The following MACROD2 variants were observed in gnomAD, a reference collection of about 807,000 sequenced individuals.
MACROD2 encodes the protein mono-ADP ribosylhydrolase 2.
A neutral mutation model predicts 70.4 loss-of-function variants in MACROD2; 36 were observed. The ratio of observed to expected loss-of-function variants is 0.51; its 90% CI spans 0.39 to 0.68. MACROD2 has a LOEUF of 0.68. MACROD2 is among the 30% of genes least tolerant of loss of function. The pLI is 0.00. For synonymous variants in MACROD2, 172 were observed against 178.8 expected (o/e 0.96, Z 0.30); for missense variants, 496 against 538.4 (o/e 0.92, Z 0.78).
At chr20:15,938,889 GCCT>G (rs2065707854) in intron 12 of MACROD2, among the ~76,000 whole-genome samples, 3 of 152,172 alleles carry the variant, frequency 2.0e-5, no homozygotes, top group African/African-American at 7.2e-5. Flanking sequence ...AACTGAAACA[GCCT>G]TATTGCTGAT....
At chr20:14,869,916 CA>C (rs1329490953) in intron 5 of MACROD2, among the ~76,000 whole-genome samples, 1 of 152,070 alleles carries the variant, frequency 6.6e-6, no homozygotes, top group African/African-American at 2.4e-5. Flanking sequence ...ACCATACAAC[CA>C]TTCAGGAACC....
intron 6 of MACROD2, among the ~76,000 whole-genome samples, chr20:15,263,643 T>C (rs909055660): frequency 6.6e-6 from 1 of 152,194 alleles, no homozygotes; most frequent in African/African-American, 2.4e-5. Context: ...TTAACAATAT[T>C]GATTCTTCCA....
At chr20:15,868,984 G>A (rs1432756438) in intron 9 of MACROD2, among the ~76,000 whole-genome samples, 1 of 151,354 alleles carries the variant, frequency 6.6e-6, no homozygotes, top group Non-Finnish European at 1.5e-5. Flanking sequence ...TAGAAACATG[G>A]TCTCACCATG....
At chr20:15,591,586 TAAAAAAAAAAAAAAA>T (rs11471295) in intron 8 of MACROD2, among the ~76,000 whole-genome samples, 8 of 65,138 alleles carry the variant, frequency 1.2e-4, no homozygotes, top group Non-Finnish European at 2.0e-4. Context: ...AAGCCAGTAC[TAAAAAAAAAAAAAAA>T]AAAAAAAAAA....
chr20:14,875,453 C>T (rs1568848806), intron 5 of MACROD2, among the ~76,000 whole-genome samples: 1 of 152,050 alleles, frequency 6.6e-6, no homozygotes, highest in African/African-American at 2.4e-5. Context: ...CTCAAAGTTC[C>T]TCTTACTGGA....
chr20:14,466,360 T>C (rs1401928634), intron 3 of MACROD2, among the ~76,000 whole-genome samples: 2 of 152,122 alleles, frequency 1.3e-5, no homozygotes, highest in Non-Finnish European at 2.9e-5. Flanking sequence ...TCACGTAGTT[T>C]TTGTGCCTTG....
At chr20:15,726,072 C>A (rs34624389) in intron 8 of MACROD2, among the ~76,000 whole-genome samples, 13,391 of 152,004 alleles carry the variant, frequency 0.088, 637 homozygotes, top group East Asian at 0.15. Flanking sequence ...TTGAATCGCT[C>A]TCTTCTCTCA....
chr20:15,649,687 C>G (rs996398541), intron 8 of MACROD2, among the ~76,000 whole-genome samples: 2 of 152,138 alleles, frequency 1.3e-5, no homozygotes, highest in Admixed American at 6.5e-5. Flanking sequence ...AAAGATAGTA[C>G]CACTCTGATT....
chr20:15,618,345 G>A (rs534876890), intron 8 of MACROD2, among the ~76,000 whole-genome samples: 67 of 152,084 alleles, frequency 4.4e-4, no homozygotes, highest in African/African-American at 1.5e-3. Context: ...CTCACACCAG[G>A]CCTCCAGCCA....
intron 12 of MACROD2, among the ~76,000 whole-genome samples, chr20:15,966,668 G>A (rs375380278): frequency 4.6e-5 from 7 of 152,198 alleles, no homozygotes; most frequent in African/African-American, 1.2e-4. Flanking sequence ...CTTGAGCCCA[G>A]GAGTTTGAGG....
At chr20:14,227,862 A>C (rs1284312457) in intron 3 of MACROD2, among the ~76,000 whole-genome samples, 1 of 152,222 alleles carries the variant, frequency 6.6e-6, no homozygotes. Context: ...TCCAGGATTT[A>C]ATCTAGTTGT....
In MACROD2 at chr20:15,729,931, T is replaced by A. The variant is rs2050922598; in HGVS notation, c.646-132814T>A. 2.7e-5 allele frequency among the ~76,000 whole-genome samples: 4 copies of A among 146,160 alleles called. No individual in the cohort carries two copies. In the Admixed American group the frequency reaches 2.8e-4, roughly 10 times the overall value. On this transcript the variant is annotated intron_variant, in intron 8 of 17. Transcript: ENST00000684519. ...GCAAACTCCACCTCCCAGGTTCAAG[T>A]GATTCTCTTGACTCAGCCTCCTGAG... is the stretch of plus-strand genomic sequence containing the variant.
At chr20:16,017,366 A>T (rs1357285062) in intron 15 of MACROD2, among the ~76,000 whole-genome samples, 1 of 152,238 alleles carries the variant, frequency 6.6e-6, no homozygotes, top group African/African-American at 2.4e-5. Context: ...GACACTCAGC[A>T]GGTACACAGT....
intron 8 of MACROD2, among the ~76,000 whole-genome samples, chr20:15,674,693 C>T (rs2050030807): frequency 6.6e-6 from 1 of 151,876 alleles, no homozygotes; most frequent in African/African-American, 2.4e-5. Flanking sequence ...GCATTTTACA[C>T]ATATTTGTCA....
chr20:15,147,299 C>A (rs972940772), intron 5 of MACROD2, among the ~76,000 whole-genome samples: 1 of 152,086 alleles, frequency 6.6e-6, no homozygotes, highest in East Asian at 1.9e-4. Context: ...TATCTCTCAT[C>A]TATAGACTGG....
At chr20:15,318,858 G>T (rs1368610702) in intron 6 of MACROD2, among the ~76,000 whole-genome samples, 3 of 152,058 alleles carry the variant, frequency 2.0e-5, no homozygotes, top group African/African-American at 7.2e-5. Flanking sequence ...TTAATACCAT[G>T]GTCAATGGTG....
At chr20:15,859,342 C>A (rs962869534) in intron 8 of MACROD2, among the ~76,000 whole-genome samples, 2 of 152,066 alleles carry the variant, frequency 1.3e-5, no homozygotes, top group African/African-American at 2.4e-5. Context: ...TATAAGTAGA[C>A]CTGTGCAGCT....
intron 11 of MACROD2, among the ~76,000 whole-genome samples, chr20:15,935,060 C>G (rs917538332): frequency 1.3e-5 from 2 of 152,240 alleles, no homozygotes; most frequent in African/African-American, 4.8e-5. Flanking sequence ...CTCACACACA[C>G]GTATGCATGC....
intron 5 of MACROD2, among the ~76,000 whole-genome samples, chr20:15,058,425 A>T (rs1331745420): frequency 6.6e-6 from 1 of 152,216 alleles, no homozygotes; most frequent in Non-Finnish European, 1.5e-5. Flanking sequence ...CTCTCAATCA[A>T]ACTTCAATAT....
Sources: gnomAD v4.1 joint callset for allele counts (sites outside exome capture counted in the v4.1 genomes callset) on GRCh38, gnomAD v4.1.1 for gene constraint, MANE v1.5 for transcripts, NCBI Gene and HGNC (gene_info 2026-07-23, HGNC 2026-07-21) for gene names.